TEAD1: variants seen among roughly 807,000 people sequenced by gnomAD.
TEAD1 encodes transcriptional enhancer factor TEF-1.
TEAD1 carries 9 observed loss-of-function variants against 54.9 expected under a neutral mutation model. The ratio of observed to expected loss-of-function variants is 0.16; its 90% CI spans 0.10 to 0.29. The LOEUF (loss-of-function observed/expected upper bound fraction) is 0.29, where lower values mean the gene tolerates loss of function less well. TEAD1 is among the 10% of genes least tolerant of loss of function. The pLI is 1.00. For synonymous variants in TEAD1, 200 were observed against 187.8 expected (o/e 1.07, Z -0.53); for missense variants, 387 against 535.9 (o/e 0.72, Z 2.74).
chr11:12,684,748 TTC>T (rs1479528273), intron 2 of TEAD1, among the ~76,000 whole-genome samples: 2 of 152,168 alleles, frequency 1.3e-5, no homozygotes, highest in African/African-American at 4.8e-5. Flanking sequence ...GGCCATTTGT[TTC>T]TCTCAGTACT....
At chr11:12,850,368 G>A (rs960506367) in intron 3 of TEAD1, among the ~76,000 whole-genome samples, 5 of 152,136 alleles carry the variant, frequency 3.3e-5, no homozygotes, top group Non-Finnish European at 5.9e-5. Context: ...CCCGGGAGGC[G>A]GAGGCTGCAG....
At chr11:12,750,123 A>C (rs987284369) in intron 2 of TEAD1, among the ~76,000 whole-genome samples, 9 of 152,212 alleles carry the variant, frequency 5.9e-5, no homozygotes, top group African/African-American at 2.2e-4. Context: ...CTTTTGGTTA[A>C]ATTCATGCAT....
chr11:12,675,362 C>G (rs1481990309), intron 1 of TEAD1, 47 bp from the exon 2 acceptor site: 2 of 152,292 alleles, frequency 1.3e-5, no homozygotes, highest in African/African-American at 4.8e-5. Flanking sequence ...TTCGCTCCTT[C>G]TTCTCAAAGA....
intron 2 of TEAD1, among the ~76,000 whole-genome samples, chr11:12,750,068 A>G (rs115851531): frequency 0.027 from 4,045 of 152,274 alleles, 189 homozygotes; most frequent in African/African-American, 0.093. Context: ...TGTGTTGGTG[A>G]TCATTGGGAC....
Position 12,944,309 on chromosome 11 carries a change from A to T in TEAD1, c.*7087A>T, listed in dbSNP as rs1032367337. On this transcript the variant is annotated 3_prime_UTR_variant, in exon 13 of 13. Transcript: ENST00000527636. ...GAAACTTTCAAAAGGCATTTGATTAAACCTCTTGGCAGTACAGTATTCTTG... is the reference window on the plus strand; with the variant it reads ...GAAACTTTCAAAAGGCATTTGATTATACCTCTTGGCAGTACAGTATTCTTG... 1 of 152,586 alleles carries T rather than the reference A, an allele frequency of 6.6e-6. No homozygotes were observed. Among genetic ancestry groups the T allele is most frequent in the Non-Finnish European group, 1.5e-5 (1 of 68,016 alleles). 9.5% of individuals were successfully genotyped at this position (152,586 alleles called of 1,614,324 possible). A position where few individuals can be genotyped will look rare whatever the true frequency, so the allele number is the denominator to read the frequency against.
intron 10 of TEAD1, among the ~76,000 whole-genome samples, chr11:12,914,275 T>C (rs1006199436): frequency 6.6e-6 from 1 of 152,212 alleles, no homozygotes; most frequent in Non-Finnish European, 1.5e-5. Context: ...GGTGCCAATC[T>C]GCACAATAAA....
At chr11:12,895,203 C>CCCG (rs1948288847) in intron 9 of TEAD1, among the ~76,000 whole-genome samples, 2 of 152,116 alleles carry the variant, frequency 1.3e-5, no homozygotes, top group African/African-American at 4.8e-5. Context: ...TTATTAACCC[C>CCCG]CCCCGGGTAT....
intron 9 of TEAD1, among the ~76,000 whole-genome samples, chr11:12,888,503 C>A (rs1028147246): frequency 7.2e-5 from 11 of 152,136 alleles, no homozygotes; most frequent in Admixed American, 1.3e-4. Context: ...GAGTGAAACT[C>A]CATCTGAAAA....
intron 3 of TEAD1, among the ~76,000 whole-genome samples, chr11:12,799,742 C>T (rs1946010719): frequency 6.6e-6 from 1 of 152,188 alleles, no homozygotes; most frequent in Admixed American, 6.5e-5. Flanking sequence ...CTTTGCTCTT[C>T]CAAGCTGTTA....
chr11:12,771,942 G>GA (rs1040046674), intron 3 of TEAD1, among the ~76,000 whole-genome samples: 1 of 152,170 alleles, frequency 6.6e-6, no homozygotes, highest in Non-Finnish European at 1.5e-5. Flanking sequence ...AACAACTACT[G>GA]ACTAAGAATA....
At chr11:12,724,562 G>C (rs562351384) in intron 2 of TEAD1, among the ~76,000 whole-genome samples, 1 of 152,348 alleles carries the variant, frequency 6.6e-6, no homozygotes, top group African/African-American at 2.4e-5. Context: ...GCTTTCTTCT[G>C]AAATCATAAA....
chr11:12,826,185 T>G (rs1946651167), intron 3 of TEAD1, among the ~76,000 whole-genome samples: 1 of 152,178 alleles, frequency 6.6e-6, no homozygotes. Context: ...GCTCATTCAG[T>G]GGGTGAAAAT....
intron 11 of TEAD1, among the ~76,000 whole-genome samples, chr11:12,925,653 C>T (rs1355250041): frequency 1.3e-5 from 2 of 152,162 alleles, no homozygotes; most frequent in Non-Finnish European, 2.9e-5. Context: ...TCAGCTGTGC[C>T]CTGCTCAGCC....
Position 12,690,059 on chromosome 11 carries a change from T to C in TEAD1, c.-55+14498T>C, listed in dbSNP as rs192816280. Reference sequence around the variant, plus strand: ...ATCGAGACCATCCTGGCTAACATAGTGAAACCCCGTCTCTACTAAAAAATA... The same window carrying C: ...ATCGAGACCATCCTGGCTAACATAGCGAAACCCCGTCTCTACTAAAAAATA... On this transcript the variant is annotated intron_variant, in intron 2 of 12. Coordinates refer to ENST00000527636, the MANE Select transcript of TEAD1 (RefSeq NM_021961.6). 7.2e-4 allele frequency among the ~76,000 whole-genome samples: 110 copies of C among 151,812 alleles called. 1 individual carries two copies. The highest frequency in any genetic ancestry group is 2.4e-3 in the African/African-American group (98 of 41,418).
chr11:12,699,674 T>G (rs1482604654), intron 2 of TEAD1, among the ~76,000 whole-genome samples: 1 of 152,248 alleles, frequency 6.6e-6, no homozygotes, highest in Non-Finnish European at 1.5e-5. Flanking sequence ...GAAGTTTCCA[T>G]GTCTCTTTAT....
chr11:12,694,300 A>G (rs1943530713), intron 2 of TEAD1, among the ~76,000 whole-genome samples: 1 of 150,854 alleles, frequency 6.6e-6, no homozygotes, highest in South Asian at 2.1e-4. Flanking sequence ...AAAGAGAGAG[A>G]GGGGAGAGAG....
At chr11:12,926,151 C>A (rs1046760583) in intron 11 of TEAD1, among the ~76,000 whole-genome samples, 2 of 152,138 alleles carry the variant, frequency 1.3e-5, no homozygotes, top group Admixed American at 6.5e-5. Flanking sequence ...CTTTCAGGTT[C>A]AAGAGCCCAC....
At chr11:12,847,968 G>A (rs1158510488) in intron 3 of TEAD1, among the ~76,000 whole-genome samples, 1 of 152,166 alleles carries the variant, frequency 6.6e-6, no homozygotes, top group Non-Finnish European at 1.5e-5. Context: ...TGACTAGCTG[G>A]TATGGGGTTA....
At chr11:12,713,379 T>TATAAG (rs1943984094) in intron 2 of TEAD1, among the ~76,000 whole-genome samples, 1 of 152,258 alleles carries the variant, frequency 6.6e-6, no homozygotes, top group Admixed American at 6.5e-5. Flanking sequence ...GGATTGTCTC[T>TATAAG]AGATTTATTT....
Sources: allele counts gnomAD v4.1 joint callset (sites outside exome capture counted in the v4.1 genomes callset), GRCh38; gene constraint gnomAD v4.1.1; transcripts MANE v1.5; gene names NCBI Gene and HGNC (gene_info 2026-07-23, HGNC 2026-07-21).